Variants in TENM4 observed in about 807,000 individuals in gnomAD.
The protein encoded by TENM4 is teneurin transmembrane protein 4.
In TENM4, 82 loss-of-function variants were observed where a neutral mutation model predicts 243.3. That is an observed-to-expected ratio of 0.34 (90% confidence interval 0.28 to 0.40). The LOEUF (loss-of-function observed/expected upper bound fraction) is 0.40, where lower values mean the gene tolerates loss of function less well. TENM4 is among the 10% of genes least tolerant of loss of function. TENM4 has a pLI of 1.00. For missense variants in TENM4, 3,138 were observed against 3,673.3 expected (o/e 0.85, Z 3.77); for synonymous variants, 1,412 against 1,456.3 (o/e 0.97, Z 0.69).
intron 3 of TENM4, among the ~76,000 whole-genome samples, chr11:79,195,411 C>T (rs1412178083): frequency 6.6e-6 from 1 of 152,132 alleles, no homozygotes; most frequent in African/African-American, 2.4e-5. Context: ...AATTCAACAA[C>T]AGCCCGTGAA....
chr11:78,986,092 G>A (rs1230148725), intron 6 of TENM4, among the ~76,000 whole-genome samples: 1 of 152,018 alleles, frequency 6.6e-6, no homozygotes, highest in African/African-American at 2.4e-5. Flanking sequence ...TTTCTACTGG[G>A]CTCCTCTTAC....
intron 4 of TENM4, chr11:79,093,328 C>T (rs969554174): frequency 6.6e-6 from 1 of 152,254 alleles, no homozygotes; most frequent in African/African-American, 2.4e-5. Flanking sequence ...TTTGCTGATG[C>T]CACTTGTTCT....
At chr11:78,950,287 C>A (rs752546301) in intron 6 of TENM4, among the ~76,000 whole-genome samples, 1 of 152,204 alleles carries the variant, frequency 6.6e-6, no homozygotes, top group African/African-American at 2.4e-5. Flanking sequence ...TGCAACTCAG[C>A]GGTTTCCATT....
intron 18 of TENM4, among the ~76,000 whole-genome samples, chr11:78,766,079 A>T (rs957939392): frequency 5.9e-5 from 9 of 152,226 alleles, no homozygotes; most frequent in Admixed American, 3.3e-4. Flanking sequence ...GGTGGAGAGA[A>T]GCAGGAGAAA....
At chr11:78,735,556 C>T (rs535565523) in intron 20 of TENM4, among the ~76,000 whole-genome samples, 385 of 152,322 alleles carry the variant, frequency 2.5e-3, no homozygotes, top group Non-Finnish European at 4.7e-3. Flanking sequence ...TGAGCTGGGG[C>T]TAGGCCCGCT....
At chr11:78,665,218 TTTTC>T (rs1201656597) in intron 32 of TENM4, among the ~76,000 whole-genome samples, 5 of 152,060 alleles carry the variant, frequency 3.3e-5, no homozygotes, top group Non-Finnish European at 4.4e-5. Flanking sequence ...TTTATTTTCT[TTTTC>T]TTTATTTCTT....
At position 78,812,250 on chromosome 11, in the gene TENM4, C is replaced by G; in HGVS notation, c.1850G>C (p.Gly617Ala). 1 of 1,552,146 alleles carries G rather than the reference C, an allele frequency of 6.4e-7. No individual in the cohort carries two copies. Among genetic ancestry groups the G allele is most frequent in the Non-Finnish European group, 8.7e-7 (1 of 1,147,226 alleles). ...CACATCGCACTCAGCGCCTTTCCAGCCACTGTGGCACAAGCATCTGCCTTT... is the reference window on the plus strand; with the variant it reads ...CACATCGCACTCAGCGCCTTTCCAGGCACTGTGGCACAAGCATCTGCCTTT... ...YMKGRCLCHS[G>A]WKGAECDVPT... The change falls in exon 14 of 34, where the codon GGC becomes GCC. Residue 617 changes from glycine (G) to alanine (A), a missense_variant. By Grantham distance (60) the Gly-to-Ala change is moderately conservative (BLOSUM62 0). Around this residue, in one of 2 missense-constraint regions of TENM4, gnomAD observed 2,467 missense variants for 3,059.1 expected, o/e 0.81. Transcript: ENST00000278550.
At chr11:79,124,199 A>G (rs1861812502) in intron 4 of TENM4, among the ~76,000 whole-genome samples, 1 of 152,104 alleles carries the variant, frequency 6.6e-6, no homozygotes, top group African/African-American at 2.4e-5. Context: ...TTCTTCCACA[A>G]TGGTGTGATG....
At chr11:78,857,127 T>C (rs1391278338) in intron 10 of TENM4, among the ~76,000 whole-genome samples, 2 of 151,950 alleles carry the variant, frequency 1.3e-5, no homozygotes, top group African/African-American at 4.8e-5. Flanking sequence ...TCCTGAAGAG[T>C]TGAGAAGGAA....
chr11:78,727,247 G>A (rs1377374696), intron 22 of TENM4, among the ~76,000 whole-genome samples: 1 of 152,136 alleles, frequency 6.6e-6, no homozygotes, highest in African/African-American at 2.4e-5. Flanking sequence ...AGGAGATGGA[G>A]ACCATCCTGG....
intron 15 of TENM4, among the ~76,000 whole-genome samples, chr11:78,792,456 C>T (rs1476453257): frequency 6.6e-6 from 1 of 152,080 alleles, no homozygotes; most frequent in African/African-American, 2.4e-5. Flanking sequence ...TGTACAGGCC[C>T]TTGGAGATGA....
chr11:78,928,301 C>T (rs564326988), intron 6 of TENM4, among the ~76,000 whole-genome samples: 1 of 152,122 alleles, frequency 6.6e-6, no homozygotes, highest in Non-Finnish European at 1.5e-5. Context: ...TTTGAGAGGG[C>T]AATATCATAC....
chr11:79,213,936 C>T (rs1406728059), intron 3 of TENM4, among the ~76,000 whole-genome samples: 1 of 152,108 alleles, frequency 6.6e-6, no homozygotes, highest in East Asian at 1.9e-4. Context: ...CTACTTGGCA[C>T]AGTGCCTCAG....
chr11:78,926,923 G>C (rs1228777812), intron 6 of TENM4, among the ~76,000 whole-genome samples: 1 of 152,164 alleles, frequency 6.6e-6, no homozygotes, highest in African/African-American at 2.4e-5. Flanking sequence ...TTCTAGGTTT[G>C]AGAGATAAAG....
intron 6 of TENM4, among the ~76,000 whole-genome samples, chr11:79,007,513 C>T (rs899497602): frequency 5.9e-5 from 9 of 152,052 alleles, no homozygotes; most frequent in Non-Finnish European, 1.3e-4. Flanking sequence ...GCACTGCAAG[C>T]GGTATGCAGG....
chr11:79,388,544 C>A (rs1350758246), intron 1 of TENM4, among the ~76,000 whole-genome samples: 1 of 152,242 alleles, frequency 6.6e-6, no homozygotes, highest in Non-Finnish European at 1.5e-5. Context: ...CCCACCCCCA[C>A]TAGATCTGGC....
At chr11:78,923,692 G>GTTTT (rs1856493828) in intron 6 of TENM4, among the ~76,000 whole-genome samples, 1 of 14,290 alleles carries the variant, frequency 7.0e-5, no homozygotes. Flanking sequence ...CATGCACCTG[G>GTTTT]CTTTTTTTTT....
rs139632858 is a variant in TENM4 at position 78,785,442 on chromosome 11, A to G, written c.2365+1456T>C. ...GGAGCAGATGCCTCAGTGGAAAACC[A>G]GGACTTTATCGTGCAAGGGCTGCAG... On this transcript the variant is annotated intron_variant, in intron 16 of 33. Coordinates refer to ENST00000278550, the MANE Select transcript of TENM4 (RefSeq NM_001098816.3). Among the ~76,000 whole-genome samples, 1,185 of 152,314 alleles carry G rather than the reference A, an allele frequency of 7.8e-3. 26 individuals are homozygous for G. Among genetic ancestry groups the G allele is most frequent in the African/African-American group, 0.027 (1,133 of 41,566 alleles).
intron 2 of TENM4, among the ~76,000 whole-genome samples, chr11:79,238,253 T>C (rs141610920): frequency 6.9e-4 from 105 of 152,346 alleles, no homozygotes; most frequent in African/African-American, 2.4e-3. Context: ...TGAGGGTTAA[T>C]TTCATGTGTC....
Sources: allele counts gnomAD v4.1 joint callset (sites outside exome capture counted in the v4.1 genomes callset), GRCh38; gene constraint gnomAD v4.1.1; regional missense constraint gnomAD v4.1.1; transcripts MANE v1.5; gene names NCBI Gene and HGNC (gene_info 2026-07-23, HGNC 2026-07-21).